PLXNA4: variants seen among roughly 807,000 people sequenced by gnomAD.
PLXNA4 encodes plexin A4, also known as plexin-A4.
In PLXNA4, 44 loss-of-function variants were observed where a neutral mutation model predicts 191.8. That is an observed-to-expected ratio of 0.23 (90% CI 0.18 to 0.29). The LOEUF (loss-of-function observed/expected upper bound fraction) is 0.29. PLXNA4 is among the 10% of genes least tolerant of loss of function. The pLI is 1.00. For synonymous variants in PLXNA4, 1,082 were observed against 1,009.5 expected (o/e 1.07, Z -1.36); for missense variants, 1,800 against 2,488.8 (o/e 0.72, Z 5.89).
intron 25 of PLXNA4, among the ~76,000 whole-genome samples, chr7:132,154,868 A>G (rs542573892): frequency 6.6e-6 from 1 of 152,278 alleles, no homozygotes; most frequent in African/African-American, 2.4e-5. Flanking sequence ...GGACAGACAC[A>G]CTCACAATCC....
intron 3 of PLXNA4, among the ~76,000 whole-genome samples, chr7:132,310,012 T>C (rs1801666961): frequency 6.6e-6 from 1 of 152,134 alleles, no homozygotes; most frequent in Non-Finnish European, 1.5e-5. Flanking sequence ...CTATAGGGTG[T>C]GACAGCCATG....
At chr7:132,253,667 G>A (rs1047911330) in intron 4 of PLXNA4, among the ~76,000 whole-genome samples, 10 of 152,072 alleles carry the variant, frequency 6.6e-5, no homozygotes, top group Non-Finnish European at 1.0e-4. Flanking sequence ...TGAGCCCTGG[G>A]CCATGGGGGA....
intron 3 of PLXNA4, among the ~76,000 whole-genome samples, chr7:132,416,721 G>A (rs1794673875): frequency 6.6e-6 from 1 of 152,158 alleles, no homozygotes; most frequent in Non-Finnish European, 1.5e-5. Flanking sequence ...AAAGATAAAT[G>A]GCAAACCTGG....
At chr7:132,505,631 ACT>A (rs1798435721) in intron 2 of PLXNA4, among the ~76,000 whole-genome samples, 1 of 151,976 alleles carries the variant, frequency 6.6e-6, no homozygotes, top group Non-Finnish European at 1.5e-5. Context: ...TCTGTTACTC[ACT>A]CCTAAGATGT....
chr7:132,370,291 T>G (rs568687915), intron 3 of PLXNA4, among the ~76,000 whole-genome samples: 51 of 152,156 alleles, frequency 3.4e-4, no homozygotes, highest in Non-Finnish European at 7.2e-4. Context: ...TTATCACAGA[T>G]GCCACCCTGG....
chr7:132,152,586 C>G (rs988597488), intron 25 of PLXNA4, among the ~76,000 whole-genome samples: 3 of 152,182 alleles, frequency 2.0e-5, no homozygotes, highest in Admixed American at 6.5e-5. Flanking sequence ...AAAAATATCT[C>G]TCTTTTGAGT....
intron 3 of PLXNA4, among the ~76,000 whole-genome samples, chr7:132,393,096 A>T (rs1165468504): frequency 6.6e-6 from 1 of 150,440 alleles, no homozygotes; most frequent in Admixed American, 6.6e-5. Flanking sequence ...GAATTTTCTC[A>T]TGCTGTTCCT....
At chr7:132,342,946 CAAA>C (rs370055779) in intron 3 of PLXNA4, among the ~76,000 whole-genome samples, 3 of 102,408 alleles carry the variant, frequency 2.9e-5, no homozygotes, top group African/African-American at 3.4e-5. Context: ...GACTCTGCCT[CAAA>C]AAAAAAAAAA....
intron 4 of PLXNA4, among the ~76,000 whole-genome samples, chr7:132,289,237 C>A (rs1464801449): frequency 6.6e-6 from 1 of 152,202 alleles, no homozygotes; most frequent in East Asian, 1.9e-4. Context: ...GACAGGCCTC[C>A]CCTTCTCCTC....
At chr7:132,539,004 T>C (rs1799961042) in intron 1 of PLXNA4, among the ~76,000 whole-genome samples, 1 of 152,144 alleles carries the variant, frequency 6.6e-6, no homozygotes, top group African/African-American at 2.4e-5. Flanking sequence ...ATAACTCACA[T>C]CTTCTATGAC....
At chr7:132,346,591 A>G (rs143204851) in intron 3 of PLXNA4, among the ~76,000 whole-genome samples, 29 of 152,338 alleles carry the variant, frequency 1.9e-4, no homozygotes, top group Non-Finnish European at 3.4e-4. Flanking sequence ...AAACCTGTTT[A>G]ATTTGTTGGA....
intron 2 of PLXNA4, among the ~76,000 whole-genome samples, chr7:132,603,434 A>G (rs1348619207): frequency 1.3e-5 from 2 of 152,208 alleles, no homozygotes; most frequent in Admixed American, 1.3e-4. Context: ...TAATCCAGAC[A>G]GTGATTGTGT....
intron 2 of PLXNA4, among the ~76,000 whole-genome samples, chr7:132,624,119 G>C (rs1367037382): frequency 6.6e-6 from 1 of 152,174 alleles, no homozygotes; most frequent in African/African-American, 2.4e-5. Context: ...AATAGAAACA[G>C]AATGTCAGAG....
intron 4 of PLXNA4, among the ~76,000 whole-genome samples, chr7:132,297,414 A>G (rs768922738): frequency 6.6e-6 from 1 of 152,112 alleles, no homozygotes. Context: ...CTGCAGACAT[A>G]TGACTCCTGG....
At chr7:132,327,491 T>C (rs1207134168) in intron 3 of PLXNA4, among the ~76,000 whole-genome samples, 2 of 152,186 alleles carry the variant, frequency 1.3e-5, no homozygotes, top group Non-Finnish European at 2.9e-5. Context: ...CCTTCTGAAG[T>C]GGCAGGTTCT....
chr7:132,194,834 A>G (rs1797203601), intron 13 of PLXNA4, among the ~76,000 whole-genome samples: 1 of 152,194 alleles, frequency 6.6e-6, no homozygotes, highest in South Asian at 2.1e-4. Flanking sequence ...TGGCAGTAAA[A>G]AGTGAGTGCC....
chr7:132,384,254 C>T, intron 3 of PLXNA4: 1 of 985,450 alleles, frequency 1.0e-6, no homozygotes, highest in Non-Finnish European at 1.2e-6. Flanking sequence ...AACAAATCTA[C>T]AGCACTTTCA....
intron 9 of PLXNA4, among the ~76,000 whole-genome samples, chr7:132,221,588 A>G (rs1454191828): frequency 6.6e-6 from 1 of 152,336 alleles, no homozygotes; most frequent in Admixed American, 6.5e-5. Context: ...TTTATCAAGG[A>G]CATGCCCTTG....
chr7:132,636,371 C>T (rs1172536307), intron 2 of PLXNA4, among the ~76,000 whole-genome samples: 1 of 152,198 alleles, frequency 6.6e-6, no homozygotes, highest in East Asian at 1.9e-4. Context: ...GGACTTCTAG[C>T]CACATGGGTT....
Sources: gnomAD v4.1 joint callset for allele counts (sites outside exome capture counted in the v4.1 genomes callset) on GRCh38, gnomAD v4.1.1 for gene constraint, MANE v1.5 for transcripts, NCBI Gene and HGNC (gene_info 2026-07-23, HGNC 2026-07-21) for gene names.